NCKAP5: variants seen among roughly 807,000 people sequenced by gnomAD.
The protein encoded by NCKAP5 is nck-associated protein 5.
Under a neutral mutation model 167.0 loss-of-function variants are expected in NCKAP5, and 92 were observed. The ratio of observed to expected loss-of-function variants is 0.55; its 90% confidence interval spans 0.47 to 0.66. NCKAP5 has a LOEUF of 0.66. Ranked by LOEUF, NCKAP5 falls within the 30% of genes least tolerant of loss-of-function variation. The probability of loss-of-function intolerance (pLI) is 0.00; values close to 1 mark genes in which losing one functional copy is unlikely to be tolerated. For synonymous variants in NCKAP5, 891 were observed against 877.4 expected, an observed-to-expected ratio of 1.02 and a Z score of -0.27; for missense variants, 2,378 against 2,315.0, an observed-to-expected ratio of 1.03 and a Z score of -0.56.
At chr2:133,646,140 T>A in the NCKAP5 span, among the ~76,000 whole-genome samples, 2 of 152,012 alleles carry the variant, frequency 1.3e-5, no homozygotes, top group Non-Finnish European at 2.9e-5. Flanking sequence ...AATCTTTTTA[T>A]TCAAAAAGAT....
At chr2:133,018,007 C>T (rs577664110) in intron 6 of NCKAP5, among the ~76,000 whole-genome samples, 123 of 152,326 alleles carry the variant, frequency 8.1e-4, no homozygotes, top group South Asian at 3.1e-3. Context: ...CAAGACCATA[C>T]TGCCCCAGGA....
intron 6 of NCKAP5, among the ~76,000 whole-genome samples, chr2:132,997,155 C>T (rs1276970760): frequency 6.6e-6 from 1 of 152,176 alleles, no homozygotes; most frequent in East Asian, 1.9e-4. Context: ...TTCAAAATGC[C>T]ACCTTTCTAA....
intron 2 of NCKAP5, among the ~76,000 whole-genome samples, chr2:133,544,621 C>A (rs955156503): frequency 5.9e-5 from 9 of 152,170 alleles, no homozygotes; most frequent in African/African-American, 1.9e-4. Context: ...GGGCACTTCA[C>A]TGACAAATAA....
chr2:133,030,996 T>A (rs2078861213), intron 6 of NCKAP5, among the ~76,000 whole-genome samples: 3 of 152,138 alleles, frequency 2.0e-5, no homozygotes, highest in South Asian at 4.1e-4. Flanking sequence ...ACCATCTGGA[T>A]AACTCAAGAT....
intron 6 of NCKAP5, among the ~76,000 whole-genome samples, chr2:133,108,563 T>C (rs2081798782): frequency 6.6e-6 from 1 of 152,230 alleles, no homozygotes; most frequent in Admixed American, 6.5e-5. Context: ...CATTTAACAT[T>C]CAAGGGACAT....
chr2:132,947,629 A>G (rs1697852165), intron 8 of NCKAP5, among the ~76,000 whole-genome samples: 1 of 152,174 alleles, frequency 6.6e-6, no homozygotes, highest in Admixed American at 6.5e-5. Context: ...AAATTAAAAC[A>G]AATGTTACAA....
chr2:133,296,832 C>G (rs1201600966), intron 4 of NCKAP5, among the ~76,000 whole-genome samples: 1 of 152,182 alleles, frequency 6.6e-6, no homozygotes, highest in Non-Finnish European at 1.5e-5. Context: ...ATGCTGCTCT[C>G]ACTTTTTTAT....
intron 3 of NCKAP5, among the ~76,000 whole-genome samples, chr2:133,343,420 T>G (rs1683731542): frequency 6.6e-6 from 1 of 151,412 alleles, no homozygotes; most frequent in Non-Finnish European, 1.5e-5. Context: ...CTGCACATGT[T>G]TAAAAAAAAA....
chr2:132,802,471 T>A (rs758350658), intron 11 of NCKAP5, among the ~76,000 whole-genome samples: 9 of 152,172 alleles, frequency 5.9e-5, no homozygotes, highest in African/African-American at 1.9e-4. Flanking sequence ...AGGCGGGCCC[T>A]GGGCCCAGGG....
In NCKAP5 at chr2:132,976,687, T is replaced by C. The variant is rs570834875; in HGVS notation, c.430-12818A>G. On this transcript the variant is annotated intron_variant, in intron 7 of 19. Coordinates refer to ENST00000409261, the MANE Select transcript of NCKAP5 (RefSeq NM_207363.3). The stretch of plus-strand genomic sequence containing the variant: ...AAGAAATGATAAGTATGTGAGGTAA[T>C]GCATATGTTAATTAGCTTGATCTAG... Among the ~76,000 whole-genome samples the C allele has an allele frequency of 1.1e-4, 16 of 152,018 alleles. 1 individual carries two copies. The highest frequency in any genetic ancestry group is 3.6e-4 in the African/African-American group (15 of 41,504).
At chr2:132,992,442 A>G (rs2077476111) in intron 7 of NCKAP5, among the ~76,000 whole-genome samples, 1 of 152,216 alleles carries the variant, frequency 6.6e-6, no homozygotes, top group African/African-American at 2.4e-5. Context: ...TGAATGAAAG[A>G]GATCCACCAT....
In NCKAP5 at chr2:132,878,839, C is replaced by A. The variant is rs370681112; in HGVS notation, c.648+9G>T. 40 of 1,609,148 alleles carry A rather than the reference C, an allele frequency of 2.5e-5. No homozygotes were observed. Among genetic ancestry groups the A allele is most frequent in the Non-Finnish European group, 3.4e-5 (40 of 1,175,686 alleles). ...AGCCTTGGATCAGGAGCCTCTCCAT[C>A]CCCCTTACCTCATCAAGACATCGCT... On this transcript the variant is annotated intron_variant, in intron 9 of 19. Transcript: ENST00000409261.
chr2:133,647,750 A>AAGG, the NCKAP5 span, among the ~76,000 whole-genome samples: 7 of 133,954 alleles, frequency 5.2e-5, no homozygotes, highest in Non-Finnish European at 8.5e-5. Flanking sequence ...GGAAGGAAGG[A>AAGG]AAGAAAAGAA....
At chr2:133,248,584 T>A (rs2088130855) in intron 4 of NCKAP5, among the ~76,000 whole-genome samples, 1 of 152,264 alleles carries the variant, frequency 6.6e-6, no homozygotes, top group Non-Finnish European at 1.5e-5. Flanking sequence ...TGAGGTCAAC[T>A]GGCCATGTGT....
intron 8 of NCKAP5, among the ~76,000 whole-genome samples, chr2:132,953,785 TG>T (rs1175572121): frequency 1.3e-5 from 2 of 152,204 alleles, no homozygotes; most frequent in South Asian, 4.1e-4. Flanking sequence ...ACAAGAATTT[TG>T]CCAAATCTTT....
chr2:133,345,160 G>C (rs1683881195), intron 3 of NCKAP5, among the ~76,000 whole-genome samples: 1 of 151,958 alleles, frequency 6.6e-6, no homozygotes, highest in Non-Finnish European at 1.5e-5. Context: ...GCCTTTAAAA[G>C]ATAACCCATT....
intron 6 of NCKAP5, among the ~76,000 whole-genome samples, chr2:133,040,062 T>C (rs2079161561): frequency 6.6e-6 from 1 of 152,106 alleles, no homozygotes; most frequent in Non-Finnish European, 1.5e-5. Flanking sequence ...ATTAACATCC[T>C]AAACATTTAC....
At chr2:133,310,678 C>T (rs771109314) in intron 3 of NCKAP5, among the ~76,000 whole-genome samples, 1 of 152,178 alleles carries the variant, frequency 6.6e-6, no homozygotes, top group Non-Finnish European at 1.5e-5. Context: ...CATACTCTTT[C>T]GAGTAGGCCA....
At chr2:132,905,547 G>GA (rs1254856960) in intron 8 of NCKAP5, among the ~76,000 whole-genome samples, 2 of 152,000 alleles carry the variant, frequency 1.3e-5, no homozygotes, top group African/African-American at 2.4e-5. Context: ...TAAATTTTGG[G>GA]AAAAAGTATC....
Sources: gnomAD v4.1 joint callset for allele counts (sites outside exome capture counted in the v4.1 genomes callset) on GRCh38, gnomAD v4.1.1 for gene constraint, MANE v1.5 for transcripts, NCBI Gene and HGNC (gene_info 2026-07-23, HGNC 2026-07-21) for gene names.